Variants in NBAS observed in about 807,000 individuals in gnomAD.
NBAS encodes the protein NBAS subunit of NRZ tethering complex.
A neutral mutation model predicts 302.5 loss-of-function variants in NBAS; 219 were observed. The observed-to-expected ratio is 0.72, with a 90% CI of 0.65 to 0.81. NBAS has a LOEUF of 0.81. Among genes scored for constraint, NBAS ranks in the 30% least tolerant of loss-of-function variants. The pLI is 0.00. For synonymous variants in NBAS, 1,118 were observed against 1,021.6 expected (o/e 1.09, Z -1.80); for missense variants, 2,932 against 2,841.6 (o/e 1.03, Z -0.72).
chr2:15,193,743 T>C (rs1449574026), intron 48 of NBAS, among the ~76,000 whole-genome samples: 15 of 152,078 alleles, frequency 9.9e-5, no homozygotes, highest in Non-Finnish European at 2.1e-4. Flanking sequence ...CCAAGATTTG[T>C]GTCCACAAAT....
At chr2:15,157,554 C>G in the NBAS span, among the ~76,000 whole-genome samples, 1 of 152,182 alleles carries the variant, frequency 6.6e-6, no homozygotes, top group Non-Finnish European at 1.5e-5. Flanking sequence ...TTCCCCTCCC[C>G]GGGGTCTTAA....
chr2:15,511,638 T>C (rs967172932), intron 9 of NBAS, among the ~76,000 whole-genome samples: 3 of 152,222 alleles, frequency 2.0e-5, no homozygotes, highest in Non-Finnish European at 4.4e-5. Flanking sequence ...ATAAAAAAAC[T>C]GTCTGTATCA....
chr2:15,147,606 TA>T, the NBAS span, among the ~76,000 whole-genome samples: 43 of 151,602 alleles, frequency 2.8e-4, 1 homozygote, highest in South Asian at 1.5e-3. Context: ...AAAATAATAA[TA>T]AAAAAAATTA....
intron 35 of NBAS, among the ~76,000 whole-genome samples, chr2:15,349,044 GAGAAAA>G (rs1673228626): frequency 6.6e-6 from 1 of 152,154 alleles, no homozygotes; most frequent in African/African-American, 2.4e-5. Context: ...TCCAAACAGA[GAGAAAA>G]CTCTATAAAA....
chr2:14,908,867 A>T, the NBAS span, among the ~76,000 whole-genome samples: 30 of 152,162 alleles, frequency 2.0e-4, no homozygotes, highest in African/African-American at 7.2e-4. Context: ...TCAGAGCTGG[A>T]AGGGTCTTCA....
chr2:15,502,313 T>C (rs1285771362), intron 11 of NBAS, among the ~76,000 whole-genome samples: 1 of 152,244 alleles, frequency 6.6e-6, no homozygotes, highest in Admixed American at 6.5e-5. Context: ...AATTATTAGA[T>C]AAGCCCTATG....
the NBAS span, among the ~76,000 whole-genome samples, chr2:14,897,202 T>C: frequency 1.3e-5 from 2 of 152,166 alleles, no homozygotes; most frequent in African/African-American, 4.8e-5. Context: ...TGCTTCAGTA[T>C]TTTCACAGCT....
chr2:15,490,885 T>C (rs1248433670), intron 11 of NBAS, among the ~76,000 whole-genome samples: 2 of 152,190 alleles, frequency 1.3e-5, no homozygotes, highest in Admixed American at 1.3e-4. Flanking sequence ...TAATTAGTCA[T>C]GTGTGATCTG....
chr2:15,424,307 C>A lies in NBAS; in HGVS notation c.2577+8G>T. ...CATTACTGAGCAGCAGCTGCCATTTCCCCTCACCTGCCGAGCATAATGCTC... is the reference window on the plus strand; with the variant it reads ...CATTACTGAGCAGCAGCTGCCATTTACCCTCACCTGCCGAGCATAATGCTC... On this transcript the variant is annotated splice_region_variant and intron_variant, in intron 23 of 51. Transcript: ENST00000281513. 6.2e-7 allele frequency: 1 copy of A among 1,614,006 alleles called. No homozygotes were observed. Among genetic ancestry groups the A allele is most frequent in the Non-Finnish European group, 8.5e-7 (1 of 1,179,900 alleles).
chr2:14,950,450 G>A, the NBAS span, among the ~76,000 whole-genome samples: 90 of 152,192 alleles, frequency 5.9e-4, 2 homozygotes, highest in South Asian at 0.017. Flanking sequence ...AATATTTAAG[G>A]TGATGGATAT....
chr2:15,292,249 T>A (rs1670337527), intron 41 of NBAS, among the ~76,000 whole-genome samples: 2 of 152,228 alleles, frequency 1.3e-5, no homozygotes, highest in African/African-American at 4.8e-5. Flanking sequence ...CCTCCCAAAG[T>A]GCTGGGATTA....
At chr2:15,180,097 C>A (rs959745281) in intron 50 of NBAS, 1 of 152,082 alleles carries the variant, frequency 6.6e-6, no homozygotes, top group Non-Finnish European at 1.5e-5. Context: ...GACAGCAGAT[C>A]GGAGAAGAAA....
the NBAS span, among the ~76,000 whole-genome samples, chr2:14,861,683 G>A: frequency 6.6e-6 from 1 of 152,114 alleles, no homozygotes; most frequent in Admixed American, 6.5e-5. Flanking sequence ...TTACTGTTGG[G>A]CTTAAAATTT....
chr2:14,973,521 G>C, the NBAS span, among the ~76,000 whole-genome samples: 1 of 152,206 alleles, frequency 6.6e-6, no homozygotes, highest in Non-Finnish European at 1.5e-5. Context: ...CAGAAAAACA[G>C]AGAGAGAATT....
chr2:14,816,620 G>C, the NBAS span, among the ~76,000 whole-genome samples: 1 of 152,142 alleles, frequency 6.6e-6, no homozygotes. Flanking sequence ...CATCTACAGG[G>C]AAGAAGTTCC....
intron 41 of NBAS, among the ~76,000 whole-genome samples, chr2:15,292,018 G>A (rs1024193860): frequency 6.6e-6 from 1 of 152,146 alleles, no homozygotes; most frequent in African/African-American, 2.4e-5. Context: ...TGCCCAAGCT[G>A]GGGTGGAGTG....
At chr2:14,806,850 A>G in the NBAS span, among the ~76,000 whole-genome samples, 5 of 152,200 alleles carry the variant, frequency 3.3e-5, no homozygotes, top group African/African-American at 1.2e-4. Flanking sequence ...TGATTATTCC[A>G]TTGCATCACC....
the NBAS span, among the ~76,000 whole-genome samples, chr2:15,158,701 C>T: frequency 6.6e-6 from 1 of 152,300 alleles, no homozygotes; most frequent in Admixed American, 6.5e-5. Flanking sequence ...GCTCGACTTT[C>T]CTCACCTTTC....
the NBAS span, among the ~76,000 whole-genome samples, chr2:14,906,211 C>T: frequency 2.6e-5 from 4 of 152,212 alleles, no homozygotes; most frequent in Non-Finnish European, 5.9e-5. Context: ...CTTAATTGAA[C>T]ACCTGGTATT....
Sources: allele counts gnomAD v4.1 joint callset (sites outside exome capture counted in the v4.1 genomes callset), GRCh38; gene constraint gnomAD v4.1.1; transcripts MANE v1.5; gene names NCBI Gene and HGNC (gene_info 2026-07-23, HGNC 2026-07-21).